CLTCL1: variants seen among roughly 807,000 people sequenced by gnomAD.
CLTCL1 encodes clathrin heavy chain 2.
Under a neutral mutation model 190.0 loss-of-function variants are expected in CLTCL1, and 159 were observed. The observed-to-expected ratio is 0.84, with a 90% CI of 0.74 to 0.95. The LOEUF (loss-of-function observed/expected upper bound fraction) is 0.95. Ranked by LOEUF, CLTCL1 falls within the 40% of genes least tolerant of loss-of-function variation. The pLI is 0.00. For synonymous variants in CLTCL1, 752 were observed against 769.6 expected (o/e 0.98, Z 0.38); for missense variants, 1,878 against 2,033.4 (o/e 0.92, Z 1.47).
At chr22:19,225,287 T>G (rs1207885682) in intron 13 of CLTCL1, among the ~76,000 whole-genome samples, 166 bp downstream of exon 13, 1 of 152,190 alleles carries the variant, frequency 6.6e-6, no homozygotes, top group African/African-American at 2.4e-5. Flanking sequence ...AGGGTGCACA[T>G]GAGATGGCAG....
intron 21 of CLTCL1, 81 bp downstream of exon 21, chr22:19,208,841 T>C (rs2085130485): frequency 1.7e-6 from 2 of 1,153,290 alleles, no homozygotes; most frequent in Non-Finnish European, 2.4e-6. Context: ...TAGAGATTTG[T>C]GAGAATCTCT....
At chr22:19,287,594 A>G (rs2087952692) in intron 1 of CLTCL1, among the ~76,000 whole-genome samples, 1 of 152,174 alleles carries the variant, frequency 6.6e-6, no homozygotes, top group Admixed American at 6.5e-5. Flanking sequence ...GTGCTGGAGA[A>G]TGGATCACAG....
At chr22:19,265,331 T>G (rs9618525) in intron 2 of CLTCL1, among the ~76,000 whole-genome samples, 1 of 152,112 alleles carries the variant, frequency 6.6e-6, no homozygotes, top group African/African-American at 2.4e-5. Flanking sequence ...TGACTTCTAA[T>G]CAGACTGAAC....
In CLTCL1 at chr22:19,216,215, C is replaced by T. The variant is rs185786702; in HGVS notation, c.2961G>A (p.Glu987=). The T allele has an allele frequency of 1.9e-5, 30 of 1,614,036 alleles. No homozygotes were observed. Among genetic ancestry groups the T allele is most frequent in the African/African-American group, 1.7e-4 (13 of 75,044 alleles). The stretch of plus-strand genomic sequence containing the variant: ...TAAAGGCTTTGACAGTGACCGAAAT[C>T]TCTTCAGGATCCCGTGTTTCTGACA... The part of the protein sequence containing the change: ...TALSETRDPE[E]ISVTVKAFMT... Residue 987 remains glutamate (E), a synonymous_variant, in exon 19 of 33, where the codon GAG becomes GAA. Transcript: ENST00000427926.
At chr22:19,202,210 ATTGT>A (rs1291612637) in intron 22 of CLTCL1, among the ~76,000 whole-genome samples, 10 of 151,950 alleles carry the variant, frequency 6.6e-5, no homozygotes, top group Non-Finnish European at 1.3e-4. Flanking sequence ...GACTCTCCTG[ATTGT>A]TCTCAGTCCT....
intron 2 of CLTCL1, among the ~76,000 whole-genome samples, chr22:19,268,336 G>C (rs782802600): frequency 2.2e-4 from 34 of 152,124 alleles, no homozygotes; most frequent in Non-Finnish European, 1.0e-4. Context: ...ATTCTTTATA[G>C]ATTTCCCAGT....
intron 23 of CLTCL1, 36 bp downstream of exon 23, chr22:19,201,293 A>G (rs1555939067): frequency 6.3e-7 from 1 of 1,582,166 alleles, no homozygotes; most frequent in Non-Finnish European, 8.6e-7. Context: ...GTGCCTGTCC[A>G]GCACACTCTG....
intron 6 of CLTCL1, among the ~76,000 whole-genome samples, chr22:19,235,476 G>A (rs899566509): frequency 7.2e-5 from 11 of 152,298 alleles, no homozygotes; most frequent in South Asian, 6.2e-4. Context: ...TGTTCTATAC[G>A]CAGGAAGGAG....
chr22:19,203,863 G>A (rs2084971781), intron 22 of CLTCL1, among the ~76,000 whole-genome samples: 1 of 152,084 alleles, frequency 6.6e-6, no homozygotes, highest in Non-Finnish European at 1.5e-5. Flanking sequence ...CTCACACACT[G>A]TCCCCACACT....
intron 22 of CLTCL1, among the ~76,000 whole-genome samples, chr22:19,205,671 G>A (rs1487786999): frequency 6.6e-6 from 1 of 152,056 alleles, no homozygotes; most frequent in African/African-American, 2.4e-5. Flanking sequence ...TCCATGTTTA[G>A]AAATAATAAA....
At chr22:19,241,760 C>T (rs1266210748) in intron 4 of CLTCL1, among the ~76,000 whole-genome samples, 4 of 152,174 alleles carry the variant, frequency 2.6e-5, no homozygotes, top group African/African-American at 9.7e-5. Context: ...GCCGAGCAGC[C>T]GCTGGCCATG....
intron 3 of CLTCL1, among the ~76,000 whole-genome samples, chr22:19,252,217 G>A (rs1455368523): frequency 6.6e-6 from 1 of 152,148 alleles, no homozygotes; most frequent in African/African-American, 2.4e-5. Flanking sequence ...ATCAATGATA[G>A]CATTTTTTCA....
intron 30 of CLTCL1, chr22:19,182,977 G>A: frequency 4.1e-6 from 1 of 245,614 alleles, no homozygotes; most frequent in Non-Finnish European, 8.1e-6. Flanking sequence ...GCAAAAGGCA[G>A]CTACCACCAA....
chr22:19,218,607 A>G (rs956410916), intron 18 of CLTCL1, among the ~76,000 whole-genome samples: 1 of 152,152 alleles, frequency 6.6e-6, no homozygotes, highest in Non-Finnish European at 1.5e-5. Context: ...AACTGGTCCT[A>G]TTCTCAGGGC....
At chr22:19,270,061 C>T (rs2087259127) in intron 2 of CLTCL1, among the ~76,000 whole-genome samples, 1 of 151,572 alleles carries the variant, frequency 6.6e-6, no homozygotes, top group Non-Finnish European at 1.5e-5. Flanking sequence ...AAACTGGAAA[C>T]AATCCAAATG....
At chr22:19,270,793 CAAAG>C (rs1222325962) in intron 2 of CLTCL1, among the ~76,000 whole-genome samples, 5 of 137,208 alleles carry the variant, frequency 3.6e-5, no homozygotes, top group Non-Finnish European at 6.4e-5. Context: ...AAAAAGCAGA[CAAAG>C]AAAGATATAA....
At chr22:19,246,501 A>C (rs1555968059) in intron 3 of CLTCL1, among the ~76,000 whole-genome samples, 2 of 150,106 alleles carry the variant, frequency 1.3e-5, no homozygotes, top group African/African-American at 4.9e-5. Context: ...TTTGAGATGG[A>C]GTTTCGCTCT....
intron 2 of CLTCL1, among the ~76,000 whole-genome samples, chr22:19,273,096 G>A (rs542506694): frequency 5.1e-4 from 77 of 152,282 alleles, no homozygotes; most frequent in African/African-American, 1.8e-3. Flanking sequence ...AGCTAGTCAA[G>A]GTGTGTGATA....
chr22:19,204,419 C>G (rs936212116), intron 22 of CLTCL1, among the ~76,000 whole-genome samples: 16 of 152,172 alleles, frequency 1.1e-4, no homozygotes, highest in African/African-American at 3.9e-4. Flanking sequence ...ACCCAGGGGC[C>G]CTTTCTAAAA....
Sources: gnomAD v4.1 joint callset for allele counts (sites outside exome capture counted in the v4.1 genomes callset) on GRCh38, gnomAD v4.1.1 for gene constraint, MANE v1.5 for transcripts, NCBI Gene and HGNC (gene_info 2026-07-23, HGNC 2026-07-21) for gene names.